Variants in DEUP1 observed in about 807,000 individuals in gnomAD.
DEUP1 encodes the protein deuterosome assembly protein 1.
In DEUP1, 82 loss-of-function variants were observed where a neutral mutation model predicts 87.4. The observed-to-expected ratio is 0.94, with a 90% CI of 0.78 to 1.13. The LOEUF (loss-of-function observed/expected upper bound fraction) is 1.13. Ranked by LOEUF, DEUP1 falls within the 50% of genes most tolerant of loss-of-function variation. DEUP1 has a pLI of 0.00. For missense variants in DEUP1, 663 were observed against 681.5 expected (o/e 0.97, Z 0.30); for synonymous variants, 214 against 222.7 (o/e 0.96, Z 0.35).
intron 7 of DEUP1, among the ~76,000 whole-genome samples, chr11:93,379,706 C>T (rs1946206537): frequency 6.6e-6 from 1 of 152,090 alleles, no homozygotes; most frequent in East Asian, 1.9e-4. Flanking sequence ...ACTTACCACA[C>T]TTCTTCCTAC....
chr11:93,389,166 A>T, intron 9 of DEUP1, 41 bp downstream of exon 9: 1 of 1,073,632 alleles, frequency 9.3e-7, no homozygotes, highest in Non-Finnish European at 1.4e-6. Flanking sequence ...GGTAGATGTG[A>T]ACTCTTTACA....
chr11:93,429,824 T>A (rs564636129), intron 13 of DEUP1, among the ~76,000 whole-genome samples: 1 of 152,256 alleles, frequency 6.6e-6, no homozygotes, highest in Non-Finnish European at 1.5e-5. Flanking sequence ...ACATTACTCT[T>A]TTAAGGAATT....
chr11:93,343,071 C>CT (rs888853886), intron 2 of DEUP1, among the ~76,000 whole-genome samples: 16 of 152,180 alleles, frequency 1.1e-4, no homozygotes, highest in African/African-American at 3.9e-4. Flanking sequence ...ACATAGAAGT[C>CT]TTCAACTCAG....
At chr11:93,380,387 GGTTTT>G (rs370792628) in intron 7 of DEUP1, among the ~76,000 whole-genome samples, 36 of 151,010 alleles carry the variant, frequency 2.4e-4, no homozygotes, top group Admixed American at 4.0e-4. Context: ...TGTTTTTTTG[GGTTTT>G]GTTTTGTTTT....
At chr11:93,393,714 A>AC (rs759954180) in intron 9 of DEUP1, among the ~76,000 whole-genome samples, 1 of 140,406 alleles carries the variant, frequency 7.1e-6, no homozygotes, top group Non-Finnish European at 1.6e-5. Flanking sequence ...AGAATTAGAA[A>AC]CAGTAATGGT....
chr11:93,364,208 A>C lies in DEUP1; in HGVS notation c.346A>C (p.Lys116Gln), dbSNP rs1422510417. The C allele has an allele frequency of 5.0e-6, 8 of 1,606,142 alleles. No individual in the cohort carries two copies. The highest frequency in any genetic ancestry group is 6.8e-6 in the Non-Finnish European group (8 of 1,173,624). Reference sequence around the variant, plus strand: ...TGAAAAACTGAGATTACATCAGATGAAACAAAACAAAGTTCCACGAAAAGA... The same window carrying C: ...TGAAAAACTGAGATTACATCAGATGCAACAAAACAAAGTTCCACGAAAAGA... ...NFEKLRLHQM[K>Q]QNKVPRKELP... The change falls in exon 5 of 14, where the codon AAA (lysine) becomes CAA (glutamine). Residue 116 changes from lysine (K) to glutamine (Q), a missense_variant. Lys to Gln is a moderately conservative substitution (Grantham distance 53). Coordinates refer to ENST00000298050, the MANE Select transcript of DEUP1 (RefSeq NM_181645.4).
At chr11:93,419,117 T>G (rs1190429015) in intron 13 of DEUP1, among the ~76,000 whole-genome samples, 4 of 150,944 alleles carry the variant, frequency 2.6e-5, no homozygotes, top group African/African-American at 7.4e-5. Flanking sequence ...CACCAGCATG[T>G]CACATGTATA....
chr11:93,354,806 C>T (rs1944805485), intron 2 of DEUP1, among the ~76,000 whole-genome samples: 1 of 152,166 alleles, frequency 6.6e-6, no homozygotes, highest in African/African-American at 2.4e-5. Context: ...TGTGGGAATT[C>T]TGGGAGATAC....
At chr11:93,378,726 G>T (rs1946155860) in intron 7 of DEUP1, among the ~76,000 whole-genome samples, 1 of 152,044 alleles carries the variant, frequency 6.6e-6, no homozygotes, top group South Asian at 2.1e-4. Flanking sequence ...AAGATCTGGG[G>T]CTCAAGGGCT....
chr11:93,335,856 T>A (rs1254097402), intron 2 of DEUP1, among the ~76,000 whole-genome samples: 1 of 152,236 alleles, frequency 6.6e-6, no homozygotes, highest in African/African-American at 2.4e-5. Flanking sequence ...GGCTGACGCC[T>A]GTAATCCCAG....
At chr11:93,336,036 C>G (rs1943744648) in intron 2 of DEUP1, among the ~76,000 whole-genome samples, 1 of 152,138 alleles carries the variant, frequency 6.6e-6, no homozygotes, top group Non-Finnish European at 1.5e-5. Flanking sequence ...TCATTTGAAC[C>G]CGGGAGGCGG....
intron 5 of DEUP1, among the ~76,000 whole-genome samples, chr11:93,368,633 G>T (rs999264019): frequency 2.0e-5 from 3 of 152,128 alleles, no homozygotes; most frequent in African/African-American, 4.8e-5. Context: ...GGGAGATGGT[G>T]CTAAACTGCT....
At chr11:93,430,492 C>T (rs938688967) in intron 13 of DEUP1, among the ~76,000 whole-genome samples, 13 of 152,070 alleles carry the variant, frequency 8.5e-5, no homozygotes, top group Non-Finnish European at 7.4e-5. Flanking sequence ...ACACAAAAGG[C>T]TATATTGTAT....
intron 2 of DEUP1, among the ~76,000 whole-genome samples, chr11:93,340,985 T>C (rs1418902816): frequency 6.6e-6 from 1 of 152,202 alleles, no homozygotes; most frequent in Non-Finnish European, 1.5e-5. Flanking sequence ...TACAACATCA[T>C]ATCTGCCTTC....
intron 9 of DEUP1, among the ~76,000 whole-genome samples, chr11:93,391,759 T>C (rs1325129317): frequency 1.3e-5 from 2 of 149,330 alleles, no homozygotes; most frequent in East Asian, 3.9e-4. Flanking sequence ...GGTTAAACTA[T>C]GCCAAAGGGA....
chr11:93,334,307 C>G (rs1943640325), intron 2 of DEUP1, among the ~76,000 whole-genome samples: 1 of 152,268 alleles, frequency 6.6e-6, no homozygotes, highest in Non-Finnish European at 1.5e-5. Flanking sequence ...TCTACATATA[C>G]AGTAATGTTT....
chr11:93,409,375 A>G (rs761497068), intron 12 of DEUP1, among the ~76,000 whole-genome samples: 2 of 152,248 alleles, frequency 1.3e-5, no homozygotes, highest in Non-Finnish European at 2.9e-5. Context: ...TTCAATTTTA[A>G]TAAAAGATTT....
chr11:93,397,245 G>T (rs16918890), intron 11 of DEUP1, among the ~76,000 whole-genome samples: 18,008 of 152,010 alleles, frequency 0.12, 1,444 homozygotes, highest in East Asian at 0.22. Flanking sequence ...TTCTCATAAT[G>T]GTCCATATTC....
At chr11:93,342,810 T>C (rs1295288323) in intron 2 of DEUP1, among the ~76,000 whole-genome samples, 2 of 152,166 alleles carry the variant, frequency 1.3e-5, no homozygotes, top group African/African-American at 4.8e-5. Context: ...AGTCAGAATT[T>C]AGGATATATA....
Sources: gnomAD v4.1 joint callset for allele counts (sites outside exome capture counted in the v4.1 genomes callset) on GRCh38, gnomAD v4.1.1 for gene constraint, MANE v1.5 for transcripts, NCBI Gene and HGNC (gene_info 2026-07-23, HGNC 2026-07-21) for gene names.